SGCD: variants seen among roughly 807,000 people sequenced by gnomAD.
The protein encoded by SGCD is sarcoglycan delta.
SGCD carries 18 observed loss-of-function variants against 36.6 expected under a neutral mutation model. The ratio of observed to expected loss-of-function variants is 0.49; its 90% CI spans 0.34 to 0.73. SGCD has a LOEUF of 0.73. Ranked by LOEUF, SGCD falls within the 30% of genes least tolerant of loss-of-function variation. SGCD has a pLI of 0.01. For missense variants in SGCD, 387 were observed against 346.7 expected (o/e 1.12, Z -0.92); for synonymous variants, 133 against 130.6 (o/e 1.02, Z -0.12).
In SGCD at chr5:156,179,902, G is replaced by C. The variant is rs148592117; in HGVS notation, c.-44+55883G>C. 9.2e-3 allele frequency among the ~76,000 whole-genome samples: 1,398 copies of C among 152,172 alleles called. 14 individuals carry two copies. The highest frequency in any genetic ancestry group is 0.032 in the African/African-American group (1,345 of 41,508). ...GCCTCCCAAAATGTTGGGATTACAG[G>C]CGTGAGCCACAGCACCTGGACCCAA... On this transcript the variant is annotated intron_variant, in intron 3 of 9. Coordinates refer to the SGCD transcript ENST00000517913.
intron 3 of SGCD, among the ~76,000 whole-genome samples, chr5:156,379,999 C>T (rs554772524): frequency 1.3e-5 from 2 of 152,048 alleles, no homozygotes; most frequent in East Asian, 1.9e-4. Flanking sequence ...TTCCTGTGTT[C>T]GAATAAGAAC....
chr5:156,614,530 C>T (rs1432609367), intron 6 of SGCD, among the ~76,000 whole-genome samples: 1 of 152,214 alleles, frequency 6.6e-6, no homozygotes, highest in Non-Finnish European at 1.5e-5. Context: ...TCTCCTAAGT[C>T]TCTGACCATT....
intron 4 of SGCD, among the ~76,000 whole-genome samples, chr5:156,509,802 T>C (rs897484556): frequency 6.6e-6 from 1 of 152,230 alleles, no homozygotes; most frequent in Non-Finnish European, 1.5e-5. Flanking sequence ...GGGTTTCTTT[T>C]AGTGGTTTTA....
At chr5:155,902,260 T>G (rs1299218095) in intron 1 of SGCD, among the ~76,000 whole-genome samples, 1 of 152,252 alleles carries the variant, frequency 6.6e-6, no homozygotes, top group African/African-American at 2.4e-5. Context: ...GGAAATAAGA[T>G]AAAGTATTTA....
At chr5:156,442,797 T>C (rs1032942374) in intron 3 of SGCD, among the ~76,000 whole-genome samples, 2 of 152,322 alleles carry the variant, frequency 1.3e-5, no homozygotes, top group African/African-American at 2.4e-5. Context: ...AGGATTATGA[T>C]AGAAAATAAC....
chr5:156,390,657 G>T (rs1168398485), intron 3 of SGCD, among the ~76,000 whole-genome samples: 1 of 152,104 alleles, frequency 6.6e-6, no homozygotes, highest in Non-Finnish European at 1.5e-5. Flanking sequence ...TTGAACCCGG[G>T]AGGCAGAGGT....
chr5:156,374,480 A>G (rs1770551062), intron 3 of SGCD, among the ~76,000 whole-genome samples: 1 of 152,182 alleles, frequency 6.6e-6, no homozygotes, highest in Non-Finnish European at 1.5e-5. Context: ...GCTCTTCTCC[A>G]AGAGCAACAG....
intron 1 of SGCD, among the ~76,000 whole-genome samples, chr5:156,073,722 TA>T: frequency 6.6e-6 from 1 of 152,336 alleles, no homozygotes; most frequent in South Asian, 2.1e-4. Context: ...ATGAAGATCA[TA>T]TCATCTAAAT....
the SGCD span, among the ~76,000 whole-genome samples, chr5:155,788,546 G>A: frequency 6.6e-6 from 1 of 152,082 alleles, no homozygotes; most frequent in African/African-American, 2.4e-5. Context: ...TATTCTATGT[G>A]TATGCTAGGT....
intron 3 of SGCD, among the ~76,000 whole-genome samples, chr5:156,369,496 G>A (rs1770275129): frequency 6.6e-6 from 1 of 152,186 alleles, no homozygotes; most frequent in African/African-American, 2.4e-5. Context: ...TATTAGACCT[G>A]CAGGGCGTTG....
chr5:155,953,789 T>A (rs1480884829), intron 1 of SGCD, among the ~76,000 whole-genome samples: 1 of 152,208 alleles, frequency 6.6e-6, no homozygotes, highest in African/African-American at 2.4e-5. Context: ...TTGTATTTCC[T>A]CCAACAAATT....
chr5:156,750,019 A>G (rs1401817496), intron 7 of SGCD, among the ~76,000 whole-genome samples: 1 of 152,176 alleles, frequency 6.6e-6, no homozygotes, highest in Non-Finnish European at 1.5e-5. Context: ...ATAATGACAA[A>G]GTTGGGCTCA....
chr5:156,527,871 C>T (rs1256495591), intron 4 of SGCD, among the ~76,000 whole-genome samples: 1 of 152,140 alleles, frequency 6.6e-6, no homozygotes, highest in Admixed American at 6.6e-5. Context: ...TTGAAAATGA[C>T]CAGACTGGAT....
intron 3 of SGCD, among the ~76,000 whole-genome samples, chr5:156,429,692 A>G (rs911599540): frequency 1.3e-5 from 2 of 151,826 alleles, no homozygotes; most frequent in Non-Finnish European, 2.9e-5. Flanking sequence ...TCCTTTTAGC[A>G]TTTCTTGTAG....
intron 1 of SGCD, among the ~76,000 whole-genome samples, chr5:155,932,866 G>C (rs895734181): frequency 2.0e-5 from 3 of 151,972 alleles, no homozygotes; most frequent in African/African-American, 7.3e-5. Flanking sequence ...CATTTAAGGT[G>C]ACCACCGTGA....
intron 1 of SGCD, among the ~76,000 whole-genome samples, chr5:155,899,984 A>C (rs2113335505): frequency 6.6e-6 from 1 of 152,296 alleles, no homozygotes; most frequent in African/African-American, 2.4e-5. Flanking sequence ...CTTTTTAATA[A>C]AATTTATTGT....
the SGCD span, among the ~76,000 whole-genome samples, chr5:155,806,294 A>G: frequency 3.4e-4 from 51 of 152,106 alleles, no homozygotes; most frequent in Non-Finnish European, 6.8e-4. Context: ...AGCTGGGATT[A>G]CAGGCACCCG....
At chr5:156,309,813 G>C (rs1767343181) in intron 3 of SGCD, among the ~76,000 whole-genome samples, 1 of 151,722 alleles carries the variant, frequency 6.6e-6, no homozygotes, top group African/African-American at 2.4e-5. Context: ...TAAGACAGTT[G>C]TTTTAAAGTC....
chr5:155,773,285 C>G, the SGCD span, among the ~76,000 whole-genome samples: 1,235 of 152,278 alleles, frequency 8.1e-3, 10 homozygotes, highest in Non-Finnish European at 0.011. Flanking sequence ...CCATACCTTG[C>G]TCCTGTTAAT....
Sources: gnomAD v4.1 joint callset for allele counts (sites outside exome capture counted in the v4.1 genomes callset) on GRCh38, gnomAD v4.1.1 for gene constraint, MANE v1.5 for transcripts, NCBI Gene and HGNC (gene_info 2026-07-23, HGNC 2026-07-21) for gene names.